SEMA6B: variants seen among roughly 807,000 people sequenced by gnomAD.
SEMA6B encodes the protein semaphorin 6B.
A neutral mutation model predicts 78.6 loss-of-function variants in SEMA6B; 47 were observed. The ratio of observed to expected loss-of-function variants is 0.60; its 90% CI spans 0.47 to 0.76. The LOEUF (loss-of-function observed/expected upper bound fraction) is 0.76. Among genes scored for constraint, SEMA6B ranks in the 30% least tolerant of loss-of-function variants. The probability of loss-of-function intolerance (pLI) is 0.00; values close to 1 mark genes in which losing one functional copy is unlikely to be tolerated. For missense variants in SEMA6B, 1,213 were observed against 1,269.9 expected (o/e 0.96, Z 0.68); for synonymous variants, 632 against 592.2 (o/e 1.07, Z -0.98).
At position 4,552,461 on chromosome 19, in the gene SEMA6B, C is replaced by T. The variant is rs147321395; in HGVS notation, c.950G>A (p.Arg317Gln). 86 of 1,605,012 alleles carry T rather than the reference C, an allele frequency of 5.4e-5. No homozygotes were observed. In the African/African-American group the frequency reaches 1.0e-3, roughly 19 times the overall value. Reference sequence around the variant, plus strand: ...GGAAAAAACGGCCAGGACCACGGGCCGGCCCCCGAGGCTGACCACGCCCGT... The same window carrying T: ...GGAAAAAACGGCCAGGACCACGGGCTGGCCCCCGAGGCTGACCACGCCCGT... ...AVTGVVSLGGRPVVLAVFSTP... is the reference protein window; with the variant it reads ...AVTGVVSLGGQPVVLAVFSTP... Residue 317 changes from arginine (R) to glutamine (Q), a missense_variant, in exon 10 of 17, where the codon CGG (arginine) becomes CAG (glutamine). Transcript: ENST00000586582. The surrounding 1 kb of genome is among the most constrained non-coding windows in gnomAD (Gnocchi z 7.4).
In SEMA6B at chr19:4,544,550, G is replaced by C; in HGVS notation, c.1739-21C>G. 2 of 1,451,508 alleles carry C rather than the reference G, an allele frequency of 1.4e-6. No individual in the cohort carries two copies. Among genetic ancestry groups the C allele is most frequent in the South Asian group, 1.4e-5 (1 of 72,236 alleles). 89.9% of individuals were successfully genotyped at this position (1,451,508 alleles called of 1,614,324 possible). ...GAGTCCTGGCCGGGGAGCACAGGGG[G>C]GTTAGTGGGGCCGGCGGGGTGGCCC... On this transcript the variant is annotated intron_variant, in intron 16 of 16. Coordinates refer to ENST00000586582, the MANE Select transcript of SEMA6B (RefSeq NM_032108.4). This position sits in a 1 kb window ranked among gnomAD's most constrained non-coding sequence, Gnocchi z 5.1.
rs1203716513 is a variant in SEMA6B at position 4,545,606 on chromosome 19, C to A, written c.1738+610G>T. Among the ~76,000 whole-genome samples, 4 of 152,288 alleles carry A rather than the reference C, an allele frequency of 2.6e-5. 1 individual carries two copies. Among genetic ancestry groups the A allele is most frequent in the South Asian group, 4.1e-4 (2 of 4,832 alleles). ...CGTCCTGTCTTGGCCTCTCAAAATG[C>A]TGGGATTATAGGCAGGAGCTGCCGC... On this transcript the variant is annotated intron_variant, in intron 16 of 16. Transcript: ENST00000586582.
rs374898215 is a variant in SEMA6B at position 4,550,250 on chromosome 19, C to A, written c.1144G>T (p.Gly382Trp). Residue 382 changes from glycine (G) to tryptophan (W), a missense_variant, in exon 12 of 17, where the codon GGG becomes TGG. Gly to Trp is a radical substitution (Grantham distance 184). Transcript: ENST00000586582. The surrounding 1 kb of genome is among the most constrained non-coding windows in gnomAD (Gnocchi z 6.6). The stretch of plus-strand genomic sequence containing the variant: ...GCGCTGGAGGCATTGTACTGCATCC[C>A]GGGGGCTGCGCAGCACCCGGGCCTG... ...RPRPGCCAAP[G>W]MQYNASSALP... 1 of 1,445,610 alleles carries A rather than the reference C, an allele frequency of 6.9e-7. No homozygotes were observed. The highest frequency in any genetic ancestry group is 9.3e-7 in the Non-Finnish European group (1 of 1,069,942). 89.5% of individuals were successfully genotyped at this position (1,445,610 alleles called of 1,614,324 possible). A position where few individuals can be genotyped will look rare whatever the true frequency, so the allele number is the denominator to read the frequency against.
At chr19:4,553,975 A>G (rs1466461298) in intron 9 of SEMA6B, among the ~76,000 whole-genome samples, 4 of 152,008 alleles carry the variant, frequency 2.6e-5, no homozygotes, top group Non-Finnish European at 4.4e-5. Flanking sequence ...TAGTGGGTGG[A>G]TGAGTGAGTG....
rs184965176 is a variant in SEMA6B, at chr19:4,554,532, G to A, written c.683-56C>T. 1,297 of 1,392,780 alleles carry A rather than the reference G, an allele frequency of 9.3e-4. 16 individuals are homozygous for A. The highest frequency in any genetic ancestry group is 2.2e-4 in the Non-Finnish European group (212 of 983,074). 86.3% of individuals were successfully genotyped at this position (1,392,780 alleles called of 1,614,324 possible). A position where few individuals can be genotyped will look rare whatever the true frequency, so the allele number is the denominator to read the frequency against. ...CCTGACATGACAAAGGGGGTTTCTG[G>A]GGCTAAGAACTCACTGGCTTTTATG... On this transcript the variant is annotated intron_variant, in intron 8 of 16. Transcript: ENST00000586582.
At chr19:4,546,661 G>A (rs929081898) in intron 14 of SEMA6B, among the ~76,000 whole-genome samples, 192 bp from the exon 15 acceptor site, 4 of 152,074 alleles carry the variant, frequency 2.6e-5, no homozygotes, top group African/African-American at 7.2e-5. Flanking sequence ...TTTCGCTCTT[G>A]TCGCCCAGGC....
chr19:4,555,920 G>A lies in SEMA6B; in HGVS notation c.471+68C>T. The A allele has an allele frequency of 2.4e-6, 3 of 1,252,512 alleles. No individual in the cohort carries two copies. Among genetic ancestry groups the A allele is most frequent in the Non-Finnish European group, 1.2e-6 (1 of 851,336 alleles). The allele number at this position is 1,252,512 out of a possible 1,614,324, so 77.6% of individuals were successfully genotyped here. A position where few individuals can be genotyped will look rare whatever the true frequency, so the allele number is the denominator to read the frequency against. On this transcript the variant is annotated intron_variant, in intron 6 of 16. Coordinates refer to ENST00000586582, the MANE Select transcript of SEMA6B (RefSeq NM_032108.4). The surrounding 1 kb of genome is among the most constrained non-coding windows in gnomAD (Gnocchi z 6.1). ...TGACACGGCCTGGGGAAAAGCCATGGCCAGCGGAGGTCGGGCGAGCAGAGG... is the reference window on the plus strand; with the variant it reads ...TGACACGGCCTGGGGAAAAGCCATGACCAGCGGAGGTCGGGCGAGCAGAGG...
chr19:4,545,794 C>T (rs938842663), intron 16 of SEMA6B: 12 of 153,774 alleles, frequency 7.8e-5, no homozygotes, highest in Admixed American at 2.6e-4. Context: ...TTTTTTGAGA[C>T]GGAGTCTTGC....
chr19:4,557,744 C>T (rs1288110046), intron 3 of SEMA6B, among the ~76,000 whole-genome samples: 2 of 152,204 alleles, frequency 1.3e-5, no homozygotes, highest in African/African-American at 4.8e-5. Context: ...CCTGGACAGC[C>T]CAGTCCCCTC....
intron 14 of SEMA6B, among the ~76,000 whole-genome samples, chr19:4,546,960 A>AT (rs1977184633): frequency 2.0e-5 from 2 of 97,572 alleles, no homozygotes; most frequent in Non-Finnish European, 4.0e-5. Flanking sequence ...ATTAAAATTT[A>AT]ATTTTTTTTT....
Position 4,543,458 on chromosome 19 carries a change from G to T in SEMA6B, c.*143C>A. On this transcript the variant is annotated 3_prime_UTR_variant, in exon 17 of 17. Transcript: ENST00000586582. ...GAGCTGGTTGTGCTTCCTTGTGGCG[G>T]AGGGGGCCCCCCACTCCGCGGGTGG... 1 of 400,352 alleles carries T rather than the reference G, an allele frequency of 2.5e-6. No homozygotes were observed. The highest frequency in any genetic ancestry group is 4.4e-6 in the Non-Finnish European group (1 of 229,344). The allele number at this position is 400,352 out of a possible 1,614,324, so 24.8% of individuals were successfully genotyped here. A position where few individuals can be genotyped will look rare whatever the true frequency, so the allele number is the denominator to read the frequency against.
Position 4,544,654 on chromosome 19 carries a change from GAGA to G in SEMA6B, c.1739-128_1739-126del, listed in dbSNP as rs1977120684. 4 of 527,826 alleles carry G rather than the reference GAGA, an allele frequency of 7.6e-6. No individual in the cohort carries two copies. The highest frequency in any genetic ancestry group is 2.0e-5 in the African/African-American group (1 of 50,564). 32.7% of individuals were successfully genotyped at this position (527,826 alleles called of 1,614,324 possible). ...ATTTTTTTTTATTTATTTATTTTTT[GAGA>G]AGGAGTCTTCCTTTGTGTGCCAGGC... On this transcript the variant is annotated intron_variant, in intron 16 of 16. Coordinates refer to ENST00000586582, the MANE Select transcript of SEMA6B (RefSeq NM_032108.4). The surrounding 1 kb of genome is among the most constrained non-coding windows in gnomAD (Gnocchi z 5.1).
Position 4,549,299 on chromosome 19 carries a change from CTTTTTTTTTT to C in SEMA6B, c.1271+814_1271+823del, listed in dbSNP as rs55771429. On this transcript the variant is annotated intron_variant, in intron 12 of 16. Transcript: ENST00000586582. ...CTGGTGTGTGTCTGTCTGTCTACCT[CTTTTTTTTTT>C]TTTTTTTTTTTGAGGTGTAGTCTCC... Among the ~76,000 whole-genome samples, 122 of 98,588 alleles carry C rather than the reference CTTTTTTTTTT, an allele frequency of 1.2e-3. 4 individuals are homozygous for C. In the South Asian group the frequency reaches 0.045, roughly 37 times the overall value. The allele number at this position is 98,588 out of a possible 152,430, so 64.7% of individuals were successfully genotyped here. A position where few individuals can be genotyped will look rare whatever the true frequency, so the allele number is the denominator to read the frequency against.
intron 8 of SEMA6B, among the ~76,000 whole-genome samples, chr19:4,554,696 A>G (rs1977423031): frequency 6.6e-6 from 1 of 152,176 alleles, no homozygotes; most frequent in Admixed American, 6.5e-5. Flanking sequence ...ATTTTTTGTT[A>G]TCTTCCTCCC....
At position 4,550,444 on chromosome 19, in the gene SEMA6B, A is replaced by G. The variant is rs779388742; in HGVS notation, c.1122-172T>C. ...GGCTGGAGTGCTTTGGCTCACTGCA[A>G]CCTCCACCTCCTGGGTTCAAGCGAT... On this transcript the variant is annotated intron_variant, in intron 11 of 16. Coordinates refer to ENST00000586582, the MANE Select transcript of SEMA6B (RefSeq NM_032108.4). The surrounding 1 kb of genome is among the most constrained non-coding windows in gnomAD (Gnocchi z 6.6). Among the ~76,000 whole-genome samples, 34 of 151,866 alleles carry G rather than the reference A, an allele frequency of 2.2e-4. No homozygotes were observed. Among genetic ancestry groups the G allele is most frequent in the Non-Finnish European group, 4.4e-4 (30 of 67,938 alleles).
chr19:4,556,526 G>C (rs1217846334), intron 5 of SEMA6B, among the ~76,000 whole-genome samples: 13 of 148,360 alleles, frequency 8.8e-5, no homozygotes, highest in Non-Finnish European at 1.8e-4. Flanking sequence ...CGGGCCGGGG[G>C]CGTGGGGGGC....
rs536461679 is a variant in SEMA6B, at chr19:4,543,634, C to G, written c.2634G>C (p.Gly878=). 25 of 1,232,912 alleles carry G rather than the reference C, an allele frequency of 2.0e-5. No homozygotes were observed. In the East Asian group the frequency reaches 7.5e-4, roughly 37 times the overall value. 76.4% of individuals were successfully genotyped at this position (1,232,912 alleles called of 1,614,324 possible). ...GTDLAHLLPY[G]GADRTAPPVP is the part of the protein sequence containing the mutation. ...CGGGGGGCGCAGTCCTGTCCGCCCC[C>G]CCATAGGGGAGGAGGTGGGCCAAGT... is the stretch of plus-strand genomic sequence containing the variant. The change falls in exon 17 of 17, where the codon GGG becomes GGC. Residue 878 remains glycine, a synonymous_variant. Coordinates refer to ENST00000586582, the MANE Select transcript of SEMA6B (RefSeq NM_032108.4).
At chr19:4,554,917 G>A (rs776127563) in intron 8 of SEMA6B, 59 bp downstream of exon 8, 81 of 1,577,822 alleles carry the variant, frequency 5.1e-5, no homozygotes, top group Non-Finnish European at 6.5e-5. Flanking sequence ...GGGGAGATTT[G>A]ATGAATGTCA....
At position 4,542,787 on chromosome 19, in the gene SEMA6B, G is replaced by A. The variant is rs573875723; in HGVS notation, c.*814C>T. The A allele has an allele frequency of 1.0e-5, 7 of 699,028 alleles. No homozygotes were observed. The highest frequency in any genetic ancestry group is 7.5e-5 in the South Asian group (5 of 66,708). 43.3% of individuals were successfully genotyped at this position (699,028 alleles called of 1,614,324 possible). A position where few individuals can be genotyped will look rare whatever the true frequency, so the allele number is the denominator to read the frequency against. On this transcript the variant is annotated 3_prime_UTR_variant, in exon 17 of 17. Transcript: ENST00000586582. Reference sequence around the variant, plus strand: ...TTACAGAGGGGCCCCACCCACCTTCGCCGCCCCCCAGGCCCCCAAGCCCTT... The same window carrying A: ...TTACAGAGGGGCCCCACCCACCTTCACCGCCCCCCAGGCCCCCAAGCCCTT...
Sources: gnomAD v4.1 joint callset for allele counts (sites outside exome capture counted in the v4.1 genomes callset) on GRCh38, gnomAD v4.1.1 for gene constraint, Gnocchi (gnomAD v3.1) non-coding constraint, MANE v1.5 for transcripts, NCBI Gene and HGNC (gene_info 2026-07-23, HGNC 2026-07-21) for gene names.